The following RBM22 variants were observed in gnomAD, a reference collection of about 807,000 sequenced individuals.
RBM22 encodes the protein pre-mRNA-splicing factor RBM22.
Under a neutral mutation model 50.1 loss-of-function variants are expected in RBM22, and 1 was observed. The observed-to-expected ratio is 0.02, with a 90% CI of 0.01 to 0.09. RBM22 has a LOEUF of 0.09. RBM22 is among the 10% of genes least tolerant of loss of function. The pLI is 1.00. For missense variants in RBM22, 264 were observed against 529.3 expected (o/e 0.50, Z 4.92); for synonymous variants, 152 against 179.0 (o/e 0.85, Z 1.20).
chr5:150,693,465 A>G (rs1759235826), intron 8 of RBM22, among the ~76,000 whole-genome samples, 158 bp from the exon 9 acceptor site: 1 of 152,196 alleles, frequency 6.6e-6, no homozygotes, highest in East Asian at 1.9e-4. Context: ...AACAAGAGCA[A>G]AGGTTTTGAC....
chr5:150,698,429 G>C, intron 4 of RBM22, 70 bp downstream of exon 4: 1 of 1,551,314 alleles, frequency 6.4e-7, no homozygotes, highest in South Asian at 1.2e-5. Flanking sequence ...TGCGAAGTGG[G>C]AGACAAAAGA....
rs1039638928 is a variant in RBM22 at position 150,694,221 on chromosome 5, C to T, written c.766G>A (p.Gly256Arg). ...ACAACAGTGATCGTCCGGATCTCTC[C>T]GAACTGGTAGAAATGATTTCTGAAG... ...TDLRNHFYQF[G>R]EIRTITVVQR... Residue 256 changes from glycine (G) to arginine (R), a missense_variant, in exon 8 of 11, where the codon GGA (glycine) becomes AGA (arginine). Coordinates refer to ENST00000199814, the MANE Select transcript of RBM22 (RefSeq NM_018047.3). 1.9e-6 allele frequency: 3 copies of T among 1,607,856 alleles called. No individual in the cohort carries two copies. Among genetic ancestry groups the T allele is most frequent in the East Asian group, 2.2e-5 (1 of 44,844 alleles).
intron 1 of RBM22, chr5:150,700,720 G>A: frequency 6.5e-7 from 1 of 1,535,070 alleles, no homozygotes; most frequent in South Asian, 1.2e-5. Context: ...GGGCAGGGAT[G>A]GAAAGGGTGC....
At chr5:150,699,854 T>C (rs989972082) in intron 2 of RBM22, among the ~76,000 whole-genome samples, 1 of 152,248 alleles carries the variant, frequency 6.6e-6, no homozygotes, top group South Asian at 2.1e-4. Context: ...CGGAATATAG[T>C]AAATGTTCTG....
chr5:150,697,016 T>G, intron 4 of RBM22, 125 bp from the exon 5 acceptor site: 1 of 900,330 alleles, frequency 1.1e-6, no homozygotes. Context: ...GACTTTACTA[T>G]GTTTTTATTC....
At position 150,693,018 on chromosome 5, in the gene RBM22, G is replaced by A. The variant is rs143282628; in HGVS notation, c.1009C>T (p.Pro337Ser). The A allele has an allele frequency of 4.6e-5, 74 of 1,609,688 alleles. No individual in the cohort carries two copies. The highest frequency in any genetic ancestry group is 6.0e-5 in the Non-Finnish European group (71 of 1,178,340). ...PVPGLPGALP[P>S]PPAAEEEASA... ...GCTTCTTCTTCTGCTGCAGGAGGAG[G>A]AGGAAGAGCTGGAGGAGAGAAAATA... The change falls in exon 10 of 11, where the codon CCT (proline) becomes TCT (serine). Residue 337 changes from proline to serine, a missense_variant. Pro to Ser is a moderately conservative substitution (Grantham distance 74). Coordinates refer to ENST00000199814, the MANE Select transcript of RBM22 (RefSeq NM_018047.3).
chr5:150,700,905 C>T, intron 1 of RBM22, 27 bp downstream of exon 1: 1 of 1,614,196 alleles, frequency 6.2e-7, no homozygotes, highest in Non-Finnish European at 8.5e-7. Flanking sequence ...CCTCCTCCTT[C>T]CATCCTCCTC....
intron 7 of RBM22, 103 bp from the exon 8 acceptor site, chr5:150,694,343 G>C (rs1301005985): frequency 1.2e-5 from 17 of 1,446,726 alleles, no homozygotes; most frequent in Middle Eastern, 2.0e-4. Flanking sequence ...CTAGGCAGGT[G>C]GGCCCCAAGG....
rs1186741346 is a variant in RBM22 at position 150,692,306 on chromosome 5, G to A, written c.1133-425C>T. Among the ~76,000 whole-genome samples, 2 of 152,176 alleles carry A rather than the reference G, an allele frequency of 1.3e-5. 1 individual carries two copies. Among genetic ancestry groups the A allele is most frequent in the Admixed American group, 1.3e-4 (2 of 15,270 alleles). ...ATGGGCTCTCTGCCACAGGAGAACT[G>A]GCTACCTGTGATTTCCTTCCACTGT... On this transcript the variant is annotated intron_variant, in intron 10 of 10. Coordinates refer to ENST00000199814, the MANE Select transcript of RBM22 (RefSeq NM_018047.3).
At position 150,694,469 on chromosome 5, in the gene RBM22, G is replaced by C; in HGVS notation, c.747-229C>G. 8.2e-6 allele frequency: 5 copies of C among 609,386 alleles called. No individual in the cohort carries two copies. In the South Asian group the frequency reaches 2.0e-4, roughly 25 times the overall value. The allele number at this position is 609,386 out of a possible 1,614,324, so 37.7% of individuals were successfully genotyped here. On this transcript the variant is annotated intron_variant, in intron 7 of 10. Coordinates refer to ENST00000199814, the MANE Select transcript of RBM22 (RefSeq NM_018047.3). ...AAATAAAGGTTCTCAAACATCTCAG[G>C]GTTTTTTCCCATGGAGGAAAGGGGG...
chr5:150,699,338 T>G (rs886612730), intron 2 of RBM22, 67 bp from the exon 3 acceptor site: 1 of 1,497,330 alleles, frequency 6.7e-7, no homozygotes. Flanking sequence ...GTCTACTCTT[T>G]CCTTAAACAT....
At position 150,694,117 on chromosome 5, in the gene RBM22, C is replaced by T. The variant is rs61759890; in HGVS notation, c.870G>A (p.Lys290=). The T allele has an allele frequency of 1.0e-4, 164 of 1,613,982 alleles. No individual in the cohort carries two copies. The highest frequency in any genetic ancestry group is 1.3e-4 in the Non-Finnish European group (154 of 1,180,044). ...TCAGTCTGCGGCCATTTACAATCAACTTATTAAAGGACTTCTCAGCAGCCA... is the reference window on the plus strand; with the variant it reads ...TCAGTCTGCGGCCATTTACAATCAATTTATTAAAGGACTTCTCAGCAGCCA... ...AEVAAEKSFN[K]LIVNGRRLNV... is the part of the protein sequence containing the mutation. Residue 290 remains lysine, a synonymous_variant, in exon 8 of 11, where the codon AAG becomes AAA. Coordinates refer to ENST00000199814, the MANE Select transcript of RBM22 (RefSeq NM_018047.3).
At chr5:150,694,476 TC>T in intron 7 of RBM22, 1 of 574,294 alleles carries the variant, frequency 1.7e-6, no homozygotes, top group Non-Finnish European at 2.7e-6. Flanking sequence ...CAGGGTTTTT[TC>T]CCATGGAGGA....
chr5:150,695,747 AGGTG>A (rs1221594901), intron 6 of RBM22, 41 bp from the exon 7 acceptor site: 1 of 1,503,334 alleles, frequency 6.7e-7, no homozygotes, highest in Admixed American at 1.8e-5. Flanking sequence ...GGTGAAACGA[AGGTG>A]AAAAAATGAT....
rs140783989 is a variant in RBM22, at chr5:150,696,090, C to T, written c.546-384G>A. Among the ~76,000 whole-genome samples, 999 of 150,994 alleles carry T rather than the reference C, an allele frequency of 6.6e-3. 14 individuals carry two copies. Among genetic ancestry groups the T allele is most frequent in the African/African-American group, 0.023 (950 of 41,022 alleles). ...TGAGAATCTGATTAAAGCTATGAACCTCGCCCCAGAGAAAGCACATACATT... is the reference window on the plus strand; with the variant it reads ...TGAGAATCTGATTAAAGCTATGAACTTCGCCCCAGAGAAAGCACATACATT... On this transcript the variant is annotated intron_variant, in intron 6 of 10. Coordinates refer to ENST00000199814, the MANE Select transcript of RBM22 (RefSeq NM_018047.3). This position sits in a 1 kb window ranked among gnomAD's most constrained non-coding sequence, Gnocchi z 4.3.
intron 1 of RBM22, 63 bp from the exon 2 acceptor site, chr5:150,700,560 C>T: frequency 6.2e-7 from 1 of 1,610,916 alleles, no homozygotes; most frequent in Non-Finnish European, 8.5e-7. Flanking sequence ...CTCAGTGACA[C>T]TTGGGGTGGC....
intron 7 of RBM22, chr5:150,694,467 A>G (rs1759248529): frequency 9.5e-6 from 6 of 632,454 alleles, no homozygotes; most frequent in Admixed American, 4.0e-5. Context: ...CAAACATCTC[A>G]GGGTTTTTTC....
rs75502342 is a variant in RBM22, at chr5:150,693,145, C to T, written c.1000+74G>A. 0.019 allele frequency: 29,167 copies of T among 1,554,520 alleles called. 3,020 individuals are homozygous for T. The African/African-American group carries it at 0.27, about 14-fold the overall frequency. On this transcript the variant is annotated intron_variant, in intron 9 of 10. Coordinates refer to ENST00000199814, the MANE Select transcript of RBM22 (RefSeq NM_018047.3). ...AGTAGAGCGGCAACATGAACCAGAC[C>T]TGGGTCCCATCTTCCAAAATAGGAA...
In RBM22 at chr5:150,696,730, A is replaced by C; in HGVS notation, c.373-25T>G. 6.2e-7 allele frequency: 1 copy of C among 1,614,062 alleles called. No homozygotes were observed. Among genetic ancestry groups the C allele is most frequent in the South Asian group, 1.1e-5 (1 of 91,078 alleles). ...TCTAAGTGGGGATGACAAATTCAAA[A>C]GATAAATTATACAGACTGTGTCAAT... is the stretch of plus-strand genomic sequence containing the variant. On this transcript the variant is annotated intron_variant, in intron 5 of 10. Coordinates refer to ENST00000199814, the MANE Select transcript of RBM22 (RefSeq NM_018047.3). This position sits in a 1 kb window ranked among gnomAD's most constrained non-coding sequence, Gnocchi z 4.3.
Sources: gnomAD v4.1 joint callset for allele counts (sites outside exome capture counted in the v4.1 genomes callset) on GRCh38, gnomAD v4.1.1 for gene constraint, Gnocchi (gnomAD v3.1) non-coding constraint, MANE v1.5 for transcripts, NCBI Gene and HGNC (gene_info 2026-07-23, HGNC 2026-07-21) for gene names.